Variants in PBX3 observed in about 807,000 individuals in gnomAD.
PBX3 encodes pre-B-cell leukemia transcription factor 3.
In PBX3, 14 loss-of-function variants were observed where a neutral mutation model predicts 48.5. The observed-to-expected ratio is 0.29, with a 90% confidence interval of 0.19 to 0.45. PBX3 has a LOEUF of 0.45. Among genes scored for constraint, PBX3 ranks in the 20% least tolerant of loss-of-function variants. The pLI is 1.00. For missense variants in PBX3, 386 were observed against 546.7 expected (o/e 0.71, Z 2.93); for synonymous variants, 210 against 200.3 (o/e 1.05, Z -0.41).
At chr9:125,807,060 T>G (rs1015899018) in intron 2 of PBX3, among the ~76,000 whole-genome samples, 6 of 152,254 alleles carry the variant, frequency 3.9e-5, no homozygotes, top group African/African-American at 9.6e-5. Flanking sequence ...CAGTGGCCCA[T>G]GCCTGTAATC....
chr9:125,947,802 G>T (rs969056007), intron 5 of PBX3, among the ~76,000 whole-genome samples: 1 of 152,048 alleles, frequency 6.6e-6, no homozygotes, highest in African/African-American at 2.4e-5. Flanking sequence ...GACATAGAAA[G>T]TATAACAGTA....
chr9:125,900,643 CAA>C (rs764781706), intron 2 of PBX3, among the ~76,000 whole-genome samples: 8 of 151,720 alleles, frequency 5.3e-5, no homozygotes, highest in Non-Finnish European at 1.0e-4. Context: ...AAACAAACCA[CAA>C]AGAGATGTAG....
In PBX3 at chr9:125,748,532, T is replaced by G; in HGVS notation, c.201-18T>G. On this transcript the variant is annotated intron_variant, in intron 1 of 8. Transcript: ENST00000373489. ...TAGGTGATGCTAATACCTTTGTGTT[T>G]CGTTATTTGTTTTTTAGGAAACATG... 1 of 1,612,944 alleles carries G rather than the reference T, an allele frequency of 6.2e-7. No homozygotes were observed. Among genetic ancestry groups the G allele is most frequent in the African/African-American group, 1.3e-5 (1 of 75,020 alleles).
At chr9:125,936,383 T>G (rs985105478) in intron 5 of PBX3, among the ~76,000 whole-genome samples, 1 of 152,238 alleles carries the variant, frequency 6.6e-6, no homozygotes, top group Admixed American at 6.5e-5. Flanking sequence ...GATTGACATT[T>G]GAAGAGCATT....
intron 2 of PBX3, among the ~76,000 whole-genome samples, chr9:125,753,828 A>G (rs986489831): frequency 2.0e-5 from 3 of 152,082 alleles, no homozygotes; most frequent in Non-Finnish European, 4.4e-5. Context: ...TTTTCATACT[A>G]TGATGCTTTT....
At chr9:125,855,466 T>C (rs1839695445) in intron 2 of PBX3, among the ~76,000 whole-genome samples, 2 of 152,144 alleles carry the variant, frequency 1.3e-5, no homozygotes, top group African/African-American at 4.8e-5. Flanking sequence ...TTCCTATTGG[T>C]ATATGTTTTA....
At position 125,747,980 on chromosome 9, in the gene PBX3, C is replaced by G. The variant is rs551489502; in HGVS notation, c.200+327C>G. Among the ~76,000 whole-genome samples, 385 of 151,848 alleles carry G rather than the reference C, an allele frequency of 2.5e-3. 2 individuals are homozygous for G. The highest frequency in any genetic ancestry group is 8.8e-3 in the African/African-American group (366 of 41,454). ...CCCGACCCCGTGCGGGCCGCGCCGCCGGGAAGTGTAACTTTCTCCTCCGGC... is the reference window on the plus strand; with the variant it reads ...CCCGACCCCGTGCGGGCCGCGCCGCGGGGAAGTGTAACTTTCTCCTCCGGC... On this transcript the variant is annotated intron_variant, in intron 1 of 8. Coordinates refer to ENST00000373489, the MANE Select transcript of PBX3 (RefSeq NM_006195.6).
rs765725295 is a variant in PBX3, at chr9:125,915,735, A to G, written c.324A>G (p.Leu108=). 6.2e-7 allele frequency: 1 copy of G among 1,613,922 alleles called. No homozygotes were observed. The part of the protein sequence containing the change: ...AQEEDPPDPQ[L]MRLDNMLLAE... ...AGGAGGACCCTCCCGATCCCCAGCT[A>G]ATGAGACTGGACAATATGCTTTTGG... Residue 108 remains leucine (L), a synonymous_variant, in exon 3 of 9, where the codon CTA becomes CTG. Coordinates refer to ENST00000373489, the MANE Select transcript of PBX3 (RefSeq NM_006195.6).
intron 2 of PBX3, among the ~76,000 whole-genome samples, chr9:125,908,522 G>A (rs1327402353): frequency 3.3e-5 from 5 of 152,052 alleles, no homozygotes; most frequent in African/African-American, 1.2e-4. Context: ...AATAGAAGAG[G>A]AGTCATTGGT....
chr9:125,773,801 C>T (rs1449849178), intron 2 of PBX3, among the ~76,000 whole-genome samples: 1 of 146,348 alleles, frequency 6.8e-6, no homozygotes, highest in Non-Finnish European at 1.5e-5. Flanking sequence ...ATATTCAATA[C>T]AGCAGTGTAT....
intron 2 of PBX3, among the ~76,000 whole-genome samples, chr9:125,808,020 G>C (rs921473739): frequency 2.6e-5 from 4 of 152,198 alleles, no homozygotes; most frequent in African/African-American, 9.7e-5. Context: ...TAGATAAACA[G>C]ATAGATTGGA....
chr9:125,765,025 A>G (rs112894594), intron 2 of PBX3, among the ~76,000 whole-genome samples: 3,912 of 152,300 alleles, frequency 0.026, 66 homozygotes, highest in Middle Eastern at 0.051. Context: ...TTTTAATTTT[A>G]TAAACTTTGA....
chr9:125,752,744 G>GA (rs1836410621), intron 2 of PBX3, among the ~76,000 whole-genome samples: 1 of 152,036 alleles, frequency 6.6e-6, no homozygotes, highest in African/African-American at 2.4e-5. Flanking sequence ...TTTTTCAAGT[G>GA]AAAATTTAGC....
chr9:125,937,813 A>G (rs1285370262), intron 5 of PBX3, among the ~76,000 whole-genome samples: 1 of 151,984 alleles, frequency 6.6e-6, no homozygotes, highest in Non-Finnish European at 1.5e-5. Flanking sequence ...CAGGCACGCC[A>G]CCACACCCAG....
At chr9:125,894,607 T>A (rs1266053621) in intron 2 of PBX3, among the ~76,000 whole-genome samples, 1 of 152,116 alleles carries the variant, frequency 6.6e-6, no homozygotes, top group Non-Finnish European at 1.5e-5. Context: ...ATAAGTGGGT[T>A]CAATTCATGC....
chr9:125,898,455 A>T (rs548970894), intron 2 of PBX3, among the ~76,000 whole-genome samples: 28 of 150,980 alleles, frequency 1.9e-4, no homozygotes, highest in African/African-American at 6.1e-4. Flanking sequence ...TTCTGAAAAA[A>T]AAAAATAAAA....
At position 125,935,468 on chromosome 9, in the gene PBX3, A is replaced by G. The variant is rs375254853; in HGVS notation, c.708-4A>G. ...GCAATTATTTTCTTTCACTCTTGTCATAGACGGAAAAGGCGTAACTTCAGT... is the reference window on the plus strand; with the variant it reads ...GCAATTATTTTCTTTCACTCTTGTCGTAGACGGAAAAGGCGTAACTTCAGT... On this transcript the variant is annotated splice_polypyrimidine_tract_variant and splice_region_variant and intron_variant, in intron 4 of 8. Coordinates refer to ENST00000373489, the MANE Select transcript of PBX3 (RefSeq NM_006195.6). The G allele has an allele frequency of 1.1e-5, 17 of 1,613,230 alleles. No homozygotes were observed. The highest frequency in any genetic ancestry group is 9.3e-5 in the African/African-American group (7 of 74,888).
chr9:125,958,181 C>T (rs1033004373), intron 5 of PBX3, among the ~76,000 whole-genome samples: 1 of 150,044 alleles, frequency 6.7e-6, no homozygotes, highest in Non-Finnish European at 1.5e-5. Context: ...GGGCACCACA[C>T]CTGCATCGTC....
intron 5 of PBX3, among the ~76,000 whole-genome samples, chr9:125,958,279 C>G (rs1038481193): frequency 6.6e-6 from 1 of 152,222 alleles, no homozygotes; most frequent in Non-Finnish European, 1.5e-5. Flanking sequence ...CCTCTCCACT[C>G]CTACTGCTCT....
Sources: allele counts gnomAD v4.1 joint callset (sites outside exome capture counted in the v4.1 genomes callset), GRCh38; gene constraint gnomAD v4.1.1; transcripts MANE v1.5; gene names NCBI Gene and HGNC (gene_info 2026-07-23, HGNC 2026-07-21).